The following TSHR variants were observed in gnomAD, a reference collection of about 807,000 sequenced individuals.
The protein encoded by TSHR is thyrotropin receptor.
In TSHR, 51 loss-of-function variants were observed where a neutral mutation model predicts 64.1. The ratio of observed to expected loss-of-function variants is 0.80; its 90% confidence interval spans 0.64 to 1.01. TSHR has a LOEUF of 1.01. Among genes scored for constraint, TSHR ranks in the 50% least tolerant of loss-of-function variants. TSHR has a pLI of 0.00. For synonymous variants in TSHR, 361 were observed against 361.9 expected (o/e 1.00, Z 0.03); for missense variants, 877 against 942.8 (o/e 0.93, Z 0.91).
chr14:81,114,495 GA>G (rs891737912), intron 8 of TSHR, among the ~76,000 whole-genome samples: 3 of 152,204 alleles, frequency 2.0e-5, no homozygotes, highest in African/African-American at 7.2e-5. Context: ...GGCGCACCAC[GA>G]GATTATATCC....
chr14:80,966,139 C>T (rs1887287717), intron 1 of TSHR, among the ~76,000 whole-genome samples: 1 of 152,166 alleles, frequency 6.6e-6, no homozygotes, highest in Non-Finnish European at 1.5e-5. Context: ...GCAACTCCAG[C>T]GAGGAGACTG....
At chr14:81,125,231 A>G (rs555536359) in intron 8 of TSHR, among the ~76,000 whole-genome samples, 27 of 152,312 alleles carry the variant, frequency 1.8e-4, no homozygotes, top group African/African-American at 6.5e-4. Flanking sequence ...TCAGGTGAGG[A>G]GCAGAATTGC....
intron 1 of TSHR, chr14:80,957,649 C>T (rs773478710): frequency 2.0e-5 from 3 of 152,152 alleles, no homozygotes; most frequent in Non-Finnish European, 4.4e-5. Flanking sequence ...AACTCGTAGA[C>T]ATCCTGTTTA....
intron 1 of TSHR, among the ~76,000 whole-genome samples, chr14:80,985,046 C>G (rs1322591244): frequency 6.6e-6 from 1 of 152,048 alleles, no homozygotes; most frequent in Non-Finnish European, 1.5e-5. Flanking sequence ...GTCAGGAGAT[C>G]GAGACCATCC....
intron 1 of TSHR, among the ~76,000 whole-genome samples, chr14:81,016,239 C>G (rs1771268816): frequency 1.3e-5 from 2 of 152,114 alleles, no homozygotes; most frequent in African/African-American, 4.8e-5. Context: ...GCAATCCTAC[C>G]AACAGTCCAC....
intron 8 of TSHR, among the ~76,000 whole-genome samples, chr14:81,124,309 G>A (rs1890927336): frequency 6.6e-6 from 1 of 151,916 alleles, no homozygotes; most frequent in African/African-American, 2.4e-5. Flanking sequence ...CGGCATGCCT[G>A]AAAGACACAG....
chr14:81,062,864 C>G (rs185376888), intron 2 of TSHR, among the ~76,000 whole-genome samples: 17 of 152,224 alleles, frequency 1.1e-4, no homozygotes, highest in African/African-American at 3.6e-4. Flanking sequence ...TAACCAGAAG[C>G]AACCTGTACA....
intron 2 of TSHR, 138 bp from the exon 3 acceptor site, chr14:81,068,116 A>G (rs922220050): frequency 2.7e-5 from 20 of 731,334 alleles, no homozygotes; most frequent in Middle Eastern, 3.3e-4. Context: ...TTTTAACATA[A>G]TTTGGCAGAA....
intron 3 of TSHR, among the ~76,000 whole-genome samples, chr14:81,086,718 G>A (rs1227133959): frequency 1.3e-5 from 2 of 152,148 alleles, no homozygotes; most frequent in East Asian, 1.9e-4. Context: ...ACTCTATTTC[G>A]AGTCCATCTG....
intron 8 of TSHR, among the ~76,000 whole-genome samples, chr14:81,120,530 T>C (rs1402637171): frequency 6.6e-6 from 1 of 152,254 alleles, no homozygotes; most frequent in Non-Finnish European, 1.5e-5. Context: ...GTTGACTTTG[T>C]ATCCTGTAAC....
At chr14:81,046,968 T>C (rs1885195188) in intron 1 of TSHR, among the ~76,000 whole-genome samples, 3 of 152,196 alleles carry the variant, frequency 2.0e-5, no homozygotes, top group Admixed American at 6.5e-5. Flanking sequence ...CCAGTAAAAG[T>C]GTCTTCCCAT....
chr14:81,017,878 G>A (rs1883506919), intron 1 of TSHR, among the ~76,000 whole-genome samples: 2 of 147,008 alleles, frequency 1.4e-5, no homozygotes, highest in Non-Finnish European at 3.0e-5. Flanking sequence ...CGCCCAGGCT[G>A]GAGTACAATG....
intron 1 of TSHR, chr14:81,049,729 G>C (rs760370317): frequency 1.3e-5 from 2 of 152,202 alleles, no homozygotes; most frequent in Non-Finnish European, 1.5e-5. Context: ...TCTGGTGTGA[G>C]GTGATTGGAT....
intron 1 of TSHR, chr14:80,983,375 C>A: frequency 9.1e-7 from 1 of 1,102,750 alleles, no homozygotes; most frequent in South Asian, 1.7e-5. Flanking sequence ...AGTACAAAAC[C>A]AGACATCTTG....
intron 8 of TSHR, among the ~76,000 whole-genome samples, chr14:81,111,456 G>A (rs989324613): frequency 1.3e-5 from 2 of 152,064 alleles, no homozygotes; most frequent in African/African-American, 4.8e-5. Context: ...AACCTCTTTG[G>A]GTTCACATGC....
chr14:81,044,390 G>A (rs1885065026), intron 1 of TSHR, among the ~76,000 whole-genome samples: 1 of 152,178 alleles, frequency 6.6e-6, no homozygotes, highest in African/African-American at 2.4e-5. Context: ...CCGGGACAGT[G>A]GCTCATGCCT....
intron 1 of TSHR, among the ~76,000 whole-genome samples, chr14:81,025,556 G>A (rs1455736081): frequency 6.6e-6 from 1 of 151,780 alleles, no homozygotes; most frequent in African/African-American, 2.4e-5. Context: ...TGATATTTAT[G>A]TATCTTTCAC....
At position 81,032,894 on chromosome 14, in the gene TSHR, G is replaced by T. The variant is rs183944606; in HGVS notation, c.171-29254G>T. On this transcript the variant is annotated intron_variant, in intron 1 of 9. Coordinates refer to ENST00000298171, the MANE Select transcript of TSHR (RefSeq NM_000369.5). ...AGCAGAACTCACCTACACTAGAAAG[G>T]CCTGGACGAAAGAGGAATTCCATGA... 3.0e-4 allele frequency: 106 copies of T among 359,098 alleles called. 1 individual carries two copies. In the East Asian group the frequency reaches 8.1e-3, roughly 28 times the overall value. 22.2% of individuals were successfully genotyped at this position (359,098 alleles called of 1,614,324 possible).
chr14:80,987,781 C>A (rs1318405993), intron 1 of TSHR, among the ~76,000 whole-genome samples: 2 of 152,196 alleles, frequency 1.3e-5, no homozygotes, highest in Non-Finnish European at 2.9e-5. Flanking sequence ...TCCTTTCAGA[C>A]TGACTTCTGC....
Sources: allele counts gnomAD v4.1 joint callset (sites outside exome capture counted in the v4.1 genomes callset), GRCh38; gene constraint gnomAD v4.1.1; transcripts MANE v1.5; gene names NCBI Gene and HGNC (gene_info 2026-07-23, HGNC 2026-07-21).